ABLIM1: variants seen among roughly 807,000 people sequenced by gnomAD.
ABLIM1 encodes the protein actin-binding LIM protein 1.
Under a neutral mutation model 107.0 loss-of-function variants are expected in ABLIM1, and 40 were observed. That is an observed-to-expected ratio of 0.37 (90% confidence interval 0.29 to 0.49). ABLIM1 has a LOEUF of 0.49. Ranked by LOEUF, ABLIM1 falls within the 20% of genes least tolerant of loss-of-function variation. The probability of loss-of-function intolerance (pLI) is 0.97; values close to 1 mark genes in which losing one functional copy is unlikely to be tolerated. For synonymous variants in ABLIM1, 357 were observed against 357.3 expected (o/e 1.00, Z 0.01); for missense variants, 857 against 1,008.5 (o/e 0.85, Z 2.04).
intron 10 of ABLIM1, 47 bp downstream of exon 10, chr10:114,472,929 AG>A: frequency 1.9e-5 from 28 of 1,464,684 alleles, no homozygotes; most frequent in Non-Finnish European, 2.5e-5. Context: ...ATGTGACAAA[AG>A]GGAAGGTAAA....
At chr10:114,505,799 T>A (rs1306006763) in intron 6 of ABLIM1, among the ~76,000 whole-genome samples, 1 of 152,186 alleles carries the variant, frequency 6.6e-6, no homozygotes. Flanking sequence ...ATTATAAATA[T>A]TTTCCCATCC....
At chr10:114,725,059 C>G (rs1291728129) in intron 1 of ABLIM1, among the ~76,000 whole-genome samples, 1 of 152,152 alleles carries the variant, frequency 6.6e-6, no homozygotes, top group Non-Finnish European at 1.5e-5. Flanking sequence ...ACCATGTTTA[C>G]AAAGGGAAAG....
chr10:114,624,302 C>T (rs1193912215), intron 1 of ABLIM1, among the ~76,000 whole-genome samples: 1 of 152,140 alleles, frequency 6.6e-6, no homozygotes, highest in Non-Finnish European at 1.5e-5. Context: ...TCTTTCTTGA[C>T]CCCTAGGGCT....
chr10:114,518,636 C>A (rs1304819298), intron 6 of ABLIM1, among the ~76,000 whole-genome samples: 2 of 151,724 alleles, frequency 1.3e-5, no homozygotes, highest in Admixed American at 1.3e-4. Context: ...GGAACAGAAC[C>A]ATGTCTGTTC....
chr10:114,643,501 A>G (rs1362449298), intron 1 of ABLIM1, among the ~76,000 whole-genome samples: 1 of 152,190 alleles, frequency 6.6e-6, no homozygotes, highest in Non-Finnish European at 1.5e-5. Context: ...AGGGTATCAT[A>G]AGGCAAATAT....
intron 8 of ABLIM1, among the ~76,000 whole-genome samples, chr10:114,486,180 A>T (rs115408205): frequency 0.035 from 5,314 of 152,248 alleles, 266 homozygotes; most frequent in African/African-American, 0.11. Flanking sequence ...TTCCATCAAG[A>T]TGTTATCAGA....
At position 114,759,096 on chromosome 10, in the gene ABLIM1, T is replaced by C. The variant is rs114414029; in HGVS notation, c.-213+8965A>G. ...TTTTGCATGCTCGACCCACAACTCC[T>C]GCTTTCATGTTTATTTTAATGCAGG... On this transcript the variant is annotated intron_variant, in intron 1 of 15. Transcript: ENST00000651092. 3.5e-3 allele frequency among the ~76,000 whole-genome samples: 530 copies of C among 152,344 alleles called. 3 individuals are homozygous for C. The highest frequency in any genetic ancestry group is 0.012 in the African/African-American group (503 of 41,590).
At chr10:114,443,399 A>C (rs1041351057) in intron 17 of ABLIM1, among the ~76,000 whole-genome samples, 18 of 147,088 alleles carry the variant, frequency 1.2e-4, no homozygotes, top group Non-Finnish European at 2.4e-4. Flanking sequence ...TGCAACCTCC[A>C]CCTCCCAGGT....
chr10:114,450,438 T>TC (rs2061691490), intron 14 of ABLIM1, among the ~76,000 whole-genome samples: 1 of 140,886 alleles, frequency 7.1e-6, no homozygotes, highest in Non-Finnish European at 1.5e-5. Context: ...TTTCTTTCTT[T>TC]TTTTTTTTTT....
At chr10:114,597,772 G>A (rs1314021280) in intron 2 of ABLIM1, among the ~76,000 whole-genome samples, 1 of 152,048 alleles carries the variant, frequency 6.6e-6, no homozygotes, top group African/African-American at 2.4e-5. Context: ...TTTGGGTAGC[G>A]GTACTATGTA....
intron 1 of ABLIM1, among the ~76,000 whole-genome samples, chr10:114,767,614 C>CTTT (rs34973850): frequency 6.8e-6 from 1 of 147,058 alleles, no homozygotes; most frequent in African/African-American, 2.5e-5. Flanking sequence ...GGGGAATTTA[C>CTTT]TTTTTTTTTT....
chr10:114,456,851 T>C (rs901660854), intron 12 of ABLIM1, among the ~76,000 whole-genome samples: 2 of 151,950 alleles, frequency 1.3e-5, no homozygotes, highest in Admixed American at 1.3e-4. Context: ...GGATTCTGGC[T>C]GAATGCTGTC....
chr10:114,615,721 C>A, intron 1 of ABLIM1: 1 of 354,216 alleles, frequency 2.8e-6, no homozygotes. Flanking sequence ...TTGGGTTCAC[C>A]AACAGTGTCT....
chr10:114,690,456 C>T, intron 1 of ABLIM1: 1 of 1,591,216 alleles, frequency 6.3e-7, no homozygotes, highest in Non-Finnish European at 8.6e-7. Context: ...ACCACCCTGA[C>T]ACATAAACCC....
chr10:114,721,910 G>A (rs1290553877), intron 1 of ABLIM1, among the ~76,000 whole-genome samples: 1 of 152,094 alleles, frequency 6.6e-6, no homozygotes, highest in Non-Finnish European at 1.5e-5. Context: ...ATAAGCAAAG[G>A]CTTGGGGAAA....
chr10:114,749,761 G>T (rs1337872132), intron 1 of ABLIM1, among the ~76,000 whole-genome samples: 2 of 151,998 alleles, frequency 1.3e-5, no homozygotes, highest in Admixed American at 6.6e-5. Flanking sequence ...AACACTCCAA[G>T]CACATTCCCA....
intron 1 of ABLIM1, among the ~76,000 whole-genome samples, chr10:114,610,020 A>G (rs564392769): frequency 1.3e-5 from 2 of 152,348 alleles, no homozygotes; most frequent in South Asian, 2.1e-4. Context: ...ACAGGAAAAG[A>G]TTATCTAGCA....
intron 2 of ABLIM1, among the ~76,000 whole-genome samples, chr10:114,597,447 G>C (rs1387391441): frequency 6.8e-6 from 1 of 147,572 alleles, no homozygotes; most frequent in Non-Finnish European, 1.5e-5. Flanking sequence ...AACTGCTCTA[G>C]AATGAAGGAA....
chr10:114,639,162 C>G (rs1306693304), intron 1 of ABLIM1, among the ~76,000 whole-genome samples: 1 of 152,160 alleles, frequency 6.6e-6, no homozygotes, highest in African/African-American at 2.4e-5. Context: ...ATCGGAGGAA[C>G]TAGCCAAGTA....
Sources: allele counts gnomAD v4.1 joint callset (sites outside exome capture counted in the v4.1 genomes callset), GRCh38; gene constraint gnomAD v4.1.1; transcripts MANE v1.5; gene names NCBI Gene and HGNC (gene_info 2026-07-23, HGNC 2026-07-21).